Variants in CREBBP observed in about 807,000 individuals in gnomAD.
CREBBP encodes CREB-binding protein.
A neutral mutation model predicts 265.0 loss-of-function variants in CREBBP; 19 were observed. That is an observed-to-expected ratio of 0.07 (90% confidence interval 0.05 to 0.11). CREBBP has a LOEUF of 0.11. CREBBP is among the 10% of genes least tolerant of loss of function. CREBBP has a pLI of 1.00. For missense variants in CREBBP, 2,525 were observed against 3,219.0 expected (o/e 0.78, Z 5.22); for synonymous variants, 1,457 against 1,223.7 (o/e 1.19, Z -3.98).
At chr16:3,868,400 T>C (rs927774377) in intron 1 of CREBBP, among the ~76,000 whole-genome samples, 1 of 134,890 alleles carries the variant, frequency 7.4e-6, no homozygotes, top group South Asian at 2.4e-4. Context: ...GAAAGCATTG[T>C]CTACTCTCCC....
chr16:3,726,306 G>A lies in CREBBP; in HGVS notation c.*1412C>T, dbSNP rs3179352. 1,279 of 233,320 alleles carry A rather than the reference G, an allele frequency of 5.5e-3. 12 individuals carry two copies. Among genetic ancestry groups the A allele is most frequent in the African/African-American group, 0.026 (1,165 of 45,432 alleles). 14.5% of individuals were successfully genotyped at this position (233,320 alleles called of 1,614,324 possible). The stretch of plus-strand genomic sequence containing the variant: ...CTGGGGGTGGCAGCTACGACGGACA[G>A]GGAGGATGGAGGAGTGGGCCAAATG... On this transcript the variant is annotated 3_prime_UTR_variant, in exon 31 of 31. Transcript: ENST00000262367.
rs1567279738 is a variant in CREBBP at position 3,748,104 on chromosome 16, A to ATACATAC, written c.3836+1522_3836+1523insGTATGTA. Reference sequence around the variant, plus strand: ...AAACTCCATCTCAAAAATAAAAATAAATACATACATACATACATACATAAG... The same window carrying ATACATAC: ...AAACTCCATCTCAAAAATAAAAATAATACATACATACATACATACATACATACATAAG... On this transcript the variant is annotated intron_variant, in intron 21 of 30. Coordinates refer to ENST00000262367, the MANE Select transcript of CREBBP (RefSeq NM_004380.3). Among the ~76,000 whole-genome samples, 450 of 150,786 alleles carry ATACATAC rather than the reference A, an allele frequency of 3.0e-3. 2 individuals are homozygous for ATACATAC. Among genetic ancestry groups the ATACATAC allele is most frequent in the African/African-American group, 0.01 (426 of 40,622 alleles).
At position 3,725,962 on chromosome 16, in the gene CREBBP, G is replaced by C. The variant is rs565152311; in HGVS notation, c.*1756C>G. On this transcript the variant is annotated 3_prime_UTR_variant, in exon 31 of 31. Transcript: ENST00000262367. ...CCCATGGTCCTCCTCTCAGTTTTAC[G>C]GTTTTTGTGAACTTGTCTCACCCAC... 4.3e-6 allele frequency: 1 copy of C among 232,876 alleles called. No individual in the cohort carries two copies. The highest frequency in any genetic ancestry group is 2.2e-5 in the African/African-American group (1 of 45,318). The allele number at this position is 232,876 out of a possible 1,614,324, so 14.4% of individuals were successfully genotyped here. A position where few individuals can be genotyped will look rare whatever the true frequency, so the allele number is the denominator to read the frequency against.
chr16:3,770,173 A>G (rs951915856), intron 14 of CREBBP, among the ~76,000 whole-genome samples: 2 of 149,032 alleles, frequency 1.3e-5, no homozygotes, highest in African/African-American at 5.0e-5. Flanking sequence ...CCCAGCCTCA[A>G]TGGAGTTTTA....
chr16:3,765,135 G>T (rs528575512), intron 16 of CREBBP, among the ~76,000 whole-genome samples: 1 of 152,044 alleles, frequency 6.6e-6, no homozygotes, highest in African/African-American at 2.4e-5. Flanking sequence ...CACCACGCCC[G>T]CATAATTTTT....
At chr16:3,801,360 T>C (rs2053708813) in intron 3 of CREBBP, among the ~76,000 whole-genome samples, 1 of 152,178 alleles carries the variant, frequency 6.6e-6, no homozygotes, top group Admixed American at 6.5e-5. Flanking sequence ...TAAGATGACA[T>C]CATTTTCTCC....
chr16:3,870,643 T>C (rs553713027), intron 1 of CREBBP, among the ~76,000 whole-genome samples: 292 of 152,324 alleles, frequency 1.9e-3, no homozygotes, highest in Non-Finnish European at 3.6e-3. Context: ...GCACTAGAGC[T>C]GGCACTGAAA....
intron 1 of CREBBP, among the ~76,000 whole-genome samples, chr16:3,855,001 C>T (rs1366712989): frequency 1.3e-5 from 2 of 152,196 alleles, no homozygotes; most frequent in Admixed American, 1.3e-4. Flanking sequence ...CTTACATAAT[C>T]ACAGTATGCA....
At chr16:3,825,770 A>ATT (rs2054224968) in intron 2 of CREBBP, among the ~76,000 whole-genome samples, 1 of 152,226 alleles carries the variant, frequency 6.6e-6, no homozygotes, top group Admixed American at 6.5e-5. Flanking sequence ...TGAACCTCTT[A>ATT]TAAGAGACAA....
rs1220925969 is a variant in CREBBP, at chr16:3,740,218, A to G, written c.4133+181T>C. ...TCTCTCTCTCAAAATAGCTTACTGC[A>G]CTGTATAGGGTAACTAAAACCCCAG... On this transcript the variant is annotated intron_variant, in intron 24 of 30. Transcript: ENST00000262367. Among the ~76,000 whole-genome samples, 4 of 152,234 alleles carry G rather than the reference A, an allele frequency of 2.6e-5. No homozygotes were observed. The South Asian group carries it at 8.3e-4, about 32-fold the overall frequency.
At chr16:3,810,229 C>T (rs577453550) in intron 3 of CREBBP, among the ~76,000 whole-genome samples, 5 of 152,182 alleles carry the variant, frequency 3.3e-5, no homozygotes, top group African/African-American at 7.2e-5. Flanking sequence ...CATCATCTGA[C>T]GGTAATACAA....
chr16:3,864,102 CCA>C (rs2055131323), intron 1 of CREBBP, among the ~76,000 whole-genome samples: 1 of 152,184 alleles, frequency 6.6e-6, no homozygotes, highest in Admixed American at 6.5e-5. Context: ...GCCCCAGACC[CCA>C]GATTCCCAGC....
In CREBBP at chr16:3,793,366, G is replaced by T. The variant is rs200567815; in HGVS notation, c.1216+20C>A. On this transcript the variant is annotated intron_variant, in intron 4 of 30. Transcript: ENST00000262367. ...TTCTTCCTGACCTCTACCACTAGGAGTTCCAAAAACAGCACTTACCTTGGC... is the reference window on the plus strand; with the variant it reads ...TTCTTCCTGACCTCTACCACTAGGATTTCCAAAAACAGCACTTACCTTGGC... 6.2e-4 allele frequency: 1,006 copies of T among 1,613,754 alleles called. 3 individuals carry two copies. The highest frequency in any genetic ancestry group is 7.6e-4 in the Non-Finnish European group (895 of 1,179,948).
At chr16:3,775,815 C>G (rs1391532766) in intron 11 of CREBBP, among the ~76,000 whole-genome samples, 1 of 152,192 alleles carries the variant, frequency 6.6e-6, no homozygotes, top group African/African-American at 2.4e-5. Context: ...CATCATACCC[C>G]ACACCAGCAG....
At chr16:3,860,992 G>C (rs2055061143) in intron 1 of CREBBP, among the ~76,000 whole-genome samples, 1 of 152,148 alleles carries the variant, frequency 6.6e-6, no homozygotes, top group Non-Finnish European at 1.5e-5. Context: ...TGGAAGGACA[G>C]CTGGGTGCAG....
rs1265564950 is a variant in CREBBP, at chr16:3,834,416, A to C, written c.798+15881T>G. Among the ~76,000 whole-genome samples, 4 of 152,332 alleles carry C rather than the reference A, an allele frequency of 2.6e-5. No individual in the cohort carries two copies. In the South Asian group the frequency reaches 8.3e-4, roughly 32 times the overall value. On this transcript the variant is annotated intron_variant, in intron 2 of 30. Coordinates refer to ENST00000262367, the MANE Select transcript of CREBBP (RefSeq NM_004380.3). Reference sequence around the variant, plus strand: ...AAAGACCCAGAGGAACCTTAAATACATATTATTAAATGAATGAGGCCAATG... The same window carrying C: ...AAAGACCCAGAGGAACCTTAAATACCTATTATTAAATGAATGAGGCCAATG...
chr16:3,768,115 T>G (rs2052903170), intron 15 of CREBBP, among the ~76,000 whole-genome samples: 1 of 149,870 alleles, frequency 6.7e-6, no homozygotes, highest in Non-Finnish European at 1.5e-5. Context: ...TCAGTGCAAT[T>G]ATGGTCCTAA....
chr16:3,729,593 C>T lies in CREBBP; in HGVS notation c.5454G>A (p.Val1818=), dbSNP rs61754523. The T allele has an allele frequency of 9.4e-3, 15,228 of 1,614,204 alleles. 105 individuals carry two copies. Among genetic ancestry groups the T allele is most frequent in the Non-Finnish European group, 0.011 (13,179 of 1,180,024 alleles). ...AGCAGAGGGCGATGAGCTGCTTGCACACCGGGCAGCCCCCGTTGGTCTTGC... is the reference window on the plus strand; with the variant it reads ...AGCAGAGGGCGATGAGCTGCTTGCATACCGGGCAGCCCCCGTTGGTCTTGC... The part of the protein sequence containing the change: ...CKRKTNGGCP[V]CKQLIALCCY... Residue 1818 remains valine, a synonymous_variant, in exon 31 of 31, where the codon GTG becomes GTA. Coordinates refer to ENST00000262367, the MANE Select transcript of CREBBP (RefSeq NM_004380.3).
rs2052325210 is a variant in CREBBP, at chr16:3,745,676, T to C, written c.3837-322A>G. 6 of 419,744 alleles carry C rather than the reference T, an allele frequency of 1.4e-5. No individual in the cohort carries two copies. The Admixed American group carries it at 1.8e-4, about 13-fold the overall frequency. 26.0% of individuals were successfully genotyped at this position (419,744 alleles called of 1,614,324 possible). ...TTTCACAGGCCGGTATTTCTGACAC[T>C]GCTACACATTTGCAAGAACAATGCC... On this transcript the variant is annotated intron_variant, in intron 21 of 30. Transcript: ENST00000262367.
Sources: gnomAD v4.1 joint callset for allele counts (sites outside exome capture counted in the v4.1 genomes callset) on GRCh38, gnomAD v4.1.1 for gene constraint, MANE v1.5 for transcripts, NCBI Gene and HGNC (gene_info 2026-07-23, HGNC 2026-07-21) for gene names.